The following NET1 variants were observed in gnomAD, a reference collection of about 807,000 sequenced individuals.
The protein encoded by NET1 is neuroepithelial cell-transforming gene 1 protein.
Under a neutral mutation model 61.1 loss-of-function variants are expected in NET1, and 42 were observed. The ratio of observed to expected loss-of-function variants is 0.69; its 90% CI spans 0.54 to 0.89. The LOEUF (loss-of-function observed/expected upper bound fraction) is 0.89. Ranked by LOEUF, NET1 falls within the 40% of genes least tolerant of loss-of-function variation. The pLI is 0.00. For missense variants in NET1, 654 were observed against 747.3 expected (o/e 0.88, Z 1.46); for synonymous variants, 254 against 281.8 (o/e 0.90, Z 0.99).
At chr10:5,436,207 TGTGTGTGTGTGTGTGTGC>T in intron 3 of NET1, among the ~76,000 whole-genome samples, 1 of 102,614 alleles carries the variant, frequency 9.7e-6, no homozygotes, top group Non-Finnish European at 2.0e-5. Context: ...TGTGTGTGTG[TGTGTGTGTGTGTGTGTGC>T]ATATATATAT....
chr10:5,455,486 A>T lies in NET1; in HGVS notation c.1197+368A>T, dbSNP rs752102799. On this transcript the variant is annotated intron_variant, in intron 10 of 11. Coordinates refer to ENST00000355029, the MANE Select transcript of NET1 (RefSeq NM_001047160.3). This position sits in a 1 kb window ranked among gnomAD's most constrained non-coding sequence, Gnocchi z 6.5. ...TTTCGCACTACATAACAAATTTCTGAAGCAGATTGAATGAATGCAAATGTA... is the reference window on the plus strand; with the variant it reads ...TTTCGCACTACATAACAAATTTCTGTAGCAGATTGAATGAATGCAAATGTA... 9.2e-5 allele frequency among the ~76,000 whole-genome samples: 14 copies of T among 152,244 alleles called. No individual in the cohort carries two copies.
chr10:5,425,979 G>A (rs986089697), intron 1 of NET1, among the ~76,000 whole-genome samples: 3 of 151,954 alleles, frequency 2.0e-5, no homozygotes, highest in Non-Finnish European at 2.9e-5. Context: ...AACATATGGC[G>A]GCTTATATTT....
In NET1 at chr10:5,456,722, G is replaced by A; in HGVS notation, c.1519G>A (p.Gly507Ser). Residue 507 changes from glycine to serine, a missense_variant, in exon 12 of 12, where the codon GGC becomes AGC. By Grantham distance (56) the Gly-to-Ser change is moderately conservative (BLOSUM62 0). Coordinates refer to ENST00000355029, the MANE Select transcript of NET1 (RefSeq NM_001047160.3). This position sits in a 1 kb window ranked among gnomAD's most constrained non-coding sequence, Gnocchi z 7.0. ...GGCCATTGCCCCCTTCCAGTCGGCA[G>A]GCAGTCCACCTGAGCTGCAGGGCCT... is the stretch of plus-strand genomic sequence containing the variant. Reference protein sequence around the residue: ...RAAIAPFQSAGSPPELQGLPE... With the variant: ...RAAIAPFQSASSPPELQGLPE... 6.2e-7 allele frequency: 1 copy of A among 1,614,188 alleles called. No homozygotes were observed. Among genetic ancestry groups the A allele is most frequent in the Non-Finnish European group, 8.5e-7 (1 of 1,180,046 alleles).
Position 5,426,621 on chromosome 10 carries a change from C to G in NET1, c.129-34C>G. 1 of 1,522,882 alleles carries G rather than the reference C, an allele frequency of 6.6e-7. No homozygotes were observed. The highest frequency in any genetic ancestry group is 9.0e-7 in the Non-Finnish European group (1 of 1,106,046). 94.3% of individuals were successfully genotyped at this position (1,522,882 alleles called of 1,614,324 possible). On this transcript the variant is annotated intron_variant, in intron 1 of 11. Transcript: ENST00000355029. The surrounding 1 kb of genome is among the most constrained non-coding windows in gnomAD (Gnocchi z 4.6). ...GATGCTCTATTATGCTAAAGTCAAT[C>G]TCTTTATTTATTGTTTGAATTTTCC...
At position 5,453,886 on chromosome 10, in the gene NET1, G is replaced by A. The variant is rs1832751149; in HGVS notation, c.768+326G>A. Among the ~76,000 whole-genome samples the A allele has an allele frequency of 2.6e-5, 4 of 152,124 alleles. No homozygotes were observed. The highest frequency in any genetic ancestry group is 2.1e-4 in the South Asian group (1 of 4,824). ...GCGGGGCACTGTTTGAGGAGGAGTCGCTGGGAGTCAGTGATGAAAGGCAGT... is the reference window on the plus strand; with the variant it reads ...GCGGGGCACTGTTTGAGGAGGAGTCACTGGGAGTCAGTGATGAAAGGCAGT... On this transcript the variant is annotated intron_variant, in intron 8 of 11. Coordinates refer to ENST00000355029, the MANE Select transcript of NET1 (RefSeq NM_001047160.3). The surrounding 1 kb of genome is among the most constrained non-coding windows in gnomAD (Gnocchi z 4.9).
In NET1 at chr10:5,443,951, T is replaced by C. The variant is rs1832564250; in HGVS notation, c.256-7879T>C. On this transcript the variant is annotated intron_variant, in intron 3 of 11. Coordinates refer to ENST00000355029, the MANE Select transcript of NET1 (RefSeq NM_001047160.3). The surrounding 1 kb of genome is among the most constrained non-coding windows in gnomAD (Gnocchi z 4.8). ...CATAATCCTTTATTCCCTTAGAAAC[T>C]ATGTGGCCGTAAAGTATTGGCCTTA... Among the ~76,000 whole-genome samples, 1 of 152,202 alleles carries C rather than the reference T, an allele frequency of 6.6e-6. No individual in the cohort carries two copies. Among genetic ancestry groups the C allele is most frequent in the Non-Finnish European group, 1.5e-5 (1 of 68,034 alleles).
At position 5,429,098 on chromosome 10, in the gene NET1, T is replaced by C. The variant is rs368045552; in HGVS notation, c.196-72T>C. The C allele has an allele frequency of 5.3e-4, 575 of 1,081,620 alleles. 3 individuals carry two copies. In the African/African-American group the frequency reaches 8.0e-3, roughly 15 times the overall value. 67.0% of individuals were successfully genotyped at this position (1,081,620 alleles called of 1,614,324 possible). A position where few individuals can be genotyped will look rare whatever the true frequency, so the allele number is the denominator to read the frequency against. On this transcript the variant is annotated intron_variant, in intron 2 of 11. Coordinates refer to ENST00000355029, the MANE Select transcript of NET1 (RefSeq NM_001047160.3). ...TTTTTTAAATTGATTTTTCTAGTTT[T>C]ATAGAGTCTTTGTTTTGTGAGGTAA...
chr10:5,453,614 G>T lies in NET1; in HGVS notation c.768+54G>T. 1 of 1,480,992 alleles carries T rather than the reference G, an allele frequency of 6.8e-7. No individual in the cohort carries two copies. The highest frequency in any genetic ancestry group is 9.4e-7 in the Non-Finnish European group (1 of 1,058,946). 91.7% of individuals were successfully genotyped at this position (1,480,992 alleles called of 1,614,324 possible). A position where few individuals can be genotyped will look rare whatever the true frequency, so the allele number is the denominator to read the frequency against. On this transcript the variant is annotated intron_variant, in intron 8 of 11. Transcript: ENST00000355029. The surrounding 1 kb of genome is among the most constrained non-coding windows in gnomAD (Gnocchi z 4.9). ...CAGTTTCTTACAGATGTGCCATGTTGCAGTTTCTGATGAATATGAGACAGA... is the reference window on the plus strand; with the variant it reads ...CAGTTTCTTACAGATGTGCCATGTTTCAGTTTCTGATGAATATGAGACAGA...
intron 3 of NET1, among the ~76,000 whole-genome samples, chr10:5,436,472 G>A (rs780776247): frequency 6.7e-6 from 1 of 150,372 alleles, no homozygotes; most frequent in Non-Finnish European, 1.5e-5. Flanking sequence ...CTGACCTCAC[G>A]TGATCCACCT....
chr10:5,425,268 AAAC>A (rs137868959), intron 1 of NET1, among the ~76,000 whole-genome samples: 147,274 of 151,938 alleles, frequency 0.97, 71,490 homozygotes, highest in Non-Finnish European at 1. Context: ...AAAAAAACAA[AAAC>A]AACAACAACA....
At chr10:5,448,594 A>G (rs1832653950) in intron 3 of NET1, among the ~76,000 whole-genome samples, 1 of 151,890 alleles carries the variant, frequency 6.6e-6, no homozygotes, top group South Asian at 2.1e-4. Context: ...GCCCTGGTGA[A>G]AGGTTCCCTG....
chr10:5,456,169 A>G lies in NET1; in HGVS notation c.1280A>G (p.Tyr427Cys), dbSNP rs746037180. 15 of 1,614,086 alleles carry G rather than the reference A, an allele frequency of 9.3e-6. No homozygotes were observed. Among genetic ancestry groups the G allele is most frequent in the Non-Finnish European group, 1.3e-5 (15 of 1,180,044 alleles). ...AACGAACGGCACTCTTACCAGGTTT[A>G]CCGGCAGCCAATCCCAGTCCAAGAG... ...TRNERHSYQV[Y>C]RQPIPVQELV... Residue 427 changes from tyrosine (Y) to cysteine (C), a missense_variant, in exon 11 of 12, where the codon TAC (tyrosine) becomes TGC (cysteine). Physicochemically the swap from Tyr to Cys is radical, Grantham distance 194. Transcript: ENST00000355029. The surrounding 1 kb of genome is among the most constrained non-coding windows in gnomAD (Gnocchi z 7.0).
Position 5,457,032 on chromosome 10 carries a change from T to G in NET1, c.*38T>G, listed in dbSNP as rs1832815261. The G allele has an allele frequency of 8.0e-6, 12 of 1,505,626 alleles. No homozygotes were observed. Among genetic ancestry groups the G allele is most frequent in the Non-Finnish European group, 1.1e-5 (12 of 1,127,682 alleles). The allele number at this position is 1,505,626 out of a possible 1,614,324, so 93.3% of individuals were successfully genotyped here. A position where few individuals can be genotyped will look rare whatever the true frequency, so the allele number is the denominator to read the frequency against. ...GTGTTAACTGATGGGAGAGACTGTT[T>G]GTTTATAAATGTGTACAGTTTTGTT... On this transcript the variant is annotated 3_prime_UTR_variant, in exon 12 of 12. Coordinates refer to ENST00000355029, the MANE Select transcript of NET1 (RefSeq NM_001047160.3). The surrounding 1 kb of genome is among the most constrained non-coding windows in gnomAD (Gnocchi z 5.4).
At position 5,451,860 on chromosome 10, in the gene NET1, G is replaced by T; in HGVS notation, c.286G>T (p.Ala96Ser). ...AAGCAATAAAAGAGTTCGACCTCTG[G>T]CTCGTGTCACGTCCTTGGCAAATTT... The part of the protein sequence containing the change: ...EPSNKRVRPL[A>S]RVTSLANLIS... The change falls in exon 4 of 12, where the codon GCT becomes TCT. Residue 96 changes from alanine to serine, a missense_variant. Coordinates refer to ENST00000355029, the MANE Select transcript of NET1 (RefSeq NM_001047160.3). The surrounding 1 kb of genome is among the most constrained non-coding windows in gnomAD (Gnocchi z 6.1). The T allele has an allele frequency of 6.2e-7, 1 of 1,613,812 alleles. No individual in the cohort carries two copies. Among genetic ancestry groups the T allele is most frequent in the Non-Finnish European group, 8.5e-7 (1 of 1,179,816 alleles).
chr10:5,456,427 C>A lies in NET1; in HGVS notation c.1384+154C>A. The stretch of plus-strand genomic sequence containing the variant: ...TCCAGGCCTTCCCAGCTCGAACACC[C>A]GCAGGTGTATCTAAGAAATAATGCA... On this transcript the variant is annotated intron_variant, in intron 11 of 11. Coordinates refer to ENST00000355029, the MANE Select transcript of NET1 (RefSeq NM_001047160.3). This position sits in a 1 kb window ranked among gnomAD's most constrained non-coding sequence, Gnocchi z 7.0. The A allele has an allele frequency of 1.0e-6, 1 of 999,826 alleles. No homozygotes were observed. Among genetic ancestry groups the A allele is most frequent in the Non-Finnish European group, 1.4e-6 (1 of 698,232 alleles). 61.9% of individuals were successfully genotyped at this position (999,826 alleles called of 1,614,324 possible).
rs1832344236 is a variant in NET1 at position 5,431,173 on chromosome 10, A to C, written c.255+1944A>C. 6.6e-6 allele frequency among the ~76,000 whole-genome samples: 1 copy of C among 152,150 alleles called. No individual in the cohort carries two copies. Among genetic ancestry groups the C allele is most frequent in the Non-Finnish European group, 1.5e-5 (1 of 68,050 alleles). On this transcript the variant is annotated intron_variant, in intron 3 of 11. Coordinates refer to ENST00000355029, the MANE Select transcript of NET1 (RefSeq NM_001047160.3). The surrounding 1 kb of genome is among the most constrained non-coding windows in gnomAD (Gnocchi z 4.9). ...GGCGTGAGCCACCGCGCCCGGCCTT[A>C]ACTATATCTCTTAAGTCTCTTTTAG... is the stretch of plus-strand genomic sequence containing the variant.
chr10:5,456,701 A>G lies in NET1; in HGVS notation c.1498A>G (p.Ile500Val). ...GTGGTTCAACTGTATTCGAGCGGCCATTGCCCCCTTCCAGTCGGCAGGCAG... is the reference window on the plus strand; with the variant it reads ...GTGGTTCAACTGTATTCGAGCGGCCGTTGCCCCCTTCCAGTCGGCAGGCAG... ...QQWFNCIRAA[I>V]APFQSAGSPP... The change falls in exon 12 of 12, where the codon ATT becomes GTT. Residue 500 changes from isoleucine to valine, a missense_variant. Coordinates refer to ENST00000355029, the MANE Select transcript of NET1 (RefSeq NM_001047160.3). The surrounding 1 kb of genome is among the most constrained non-coding windows in gnomAD (Gnocchi z 7.0). 2.5e-6 allele frequency: 4 copies of G among 1,614,044 alleles called. No homozygotes were observed. The highest frequency in any genetic ancestry group is 3.4e-6 in the Non-Finnish European group (4 of 1,180,004).
At position 5,428,038 on chromosome 10, in the gene NET1, C is replaced by CCTTTTTTTTTTTTTTTTTTTTT. The variant is rs767299959; in HGVS notation, c.196-1132_196-1131insCTTTTTTTTTTTTTTTTTTTTT. Among the ~76,000 whole-genome samples the CCTTTTTTTTTTTTTTTTTTTTT allele has an allele frequency of 7.0e-5, 8 of 113,904 alleles. 3 individuals are homozygous for CCTTTTTTTTTTTTTTTTTTTTT. Among genetic ancestry groups the CCTTTTTTTTTTTTTTTTTTTTT allele is most frequent in the Non-Finnish European group, 5.3e-5 (3 of 56,156 alleles). The allele number at this position is 113,904 out of a possible 152,430, so 74.7% of individuals were successfully genotyped here. ...CACTTCTATCTGGACTTTGCCGTTC[C>CCTTTTTTTTTTTTTTTTTTTTT]TTTTTTTTTTTTTTTTTTTTTTTTT... On this transcript the variant is annotated intron_variant, in intron 2 of 11. Transcript: ENST00000355029.
rs1564462386 is a variant in NET1 at position 5,435,498 on chromosome 10, T to TAGATAGATAGAC, written c.255+6280_255+6281insCAGATAGATAGA. On this transcript the variant is annotated intron_variant, in intron 3 of 11. Coordinates refer to ENST00000355029, the MANE Select transcript of NET1 (RefSeq NM_001047160.3). The surrounding 1 kb of genome is among the most constrained non-coding windows in gnomAD (Gnocchi z 5.0). ...TGAGATAGATAGATAGATAGATAGATAGATAGATAGATAGATAGATAGATA... is the reference window on the plus strand; with the variant it reads ...TGAGATAGATAGATAGATAGATAGATAGATAGATAGACAGATAGATAGATAGATAGATAGATA... 2.3e-4 allele frequency among the ~76,000 whole-genome samples: 5 copies of TAGATAGATAGAC among 22,046 alleles called. No homozygotes were observed. Among genetic ancestry groups the TAGATAGATAGAC allele is most frequent in the South Asian group, 6.7e-4 (1 of 1,492 alleles). 14.5% of individuals were successfully genotyped at this position (22,046 alleles called of 152,430 possible). A position where few individuals can be genotyped will look rare whatever the true frequency, so the allele number is the denominator to read the frequency against.
Sources: allele counts gnomAD v4.1 joint callset (sites outside exome capture counted in the v4.1 genomes callset), GRCh38; gene constraint gnomAD v4.1.1; non-coding constraint Gnocchi (gnomAD v3.1); transcripts MANE v1.5; gene names NCBI Gene and HGNC (gene_info 2026-07-23, HGNC 2026-07-21).